ERG: variants seen among roughly 807,000 people sequenced by gnomAD.
The protein encoded by ERG is transcriptional regulator ERG.
A neutral mutation model predicts 55.3 loss-of-function variants in ERG; 9 were observed. The ratio of observed to expected loss-of-function variants is 0.16; its 90% CI spans 0.10 to 0.28. The LOEUF (loss-of-function observed/expected upper bound fraction) is 0.28. Ranked by LOEUF, ERG falls within the 10% of genes least tolerant of loss-of-function variation. ERG has a pLI of 1.00. For synonymous variants in ERG, 223 were observed against 237.3 expected (o/e 0.94, Z 0.55); for missense variants, 434 against 631.6 (o/e 0.69, Z 3.35).
rs1013218874 is a variant in ERG at position 38,381,112 on chromosome 21, T to C, written c.*2291A>G. On this transcript the variant is annotated 3_prime_UTR_variant, in exon 10 of 10. Coordinates refer to ENST00000288319, the MANE Select transcript of ERG (RefSeq NM_182918.4). ...AAATGACACGGGGTGTCAGGAGCAT[T>C]GGTAATCGTGTCCTGCCGACTTCAA... 19 of 1,064,790 alleles carry C rather than the reference T, an allele frequency of 1.8e-5. No individual in the cohort carries two copies. Among genetic ancestry groups the C allele is most frequent in the Non-Finnish European group, 1.9e-5 (17 of 879,080 alleles). 66.0% of individuals were successfully genotyped at this position (1,064,790 alleles called of 1,614,324 possible). A position where few individuals can be genotyped will look rare whatever the true frequency, so the allele number is the denominator to read the frequency against.
At chr21:38,391,271 A>T (rs1987956007) in intron 8 of ERG, among the ~76,000 whole-genome samples, 1 of 152,180 alleles carries the variant, frequency 6.6e-6, no homozygotes, top group Admixed American at 6.5e-5. Flanking sequence ...ATTCAACCCC[A>T]GGATCCTGAC....
At position 38,644,742 on chromosome 21, in the gene ERG, T is replaced by C. The variant is rs568638300; in HGVS notation, c.-150+16916A>G. ...TGCCATACAAAAATCATATTAAAAT[T>C]GAGCCAAGCAGTGAAACAACTCTGA... On this transcript the variant is annotated intron_variant, in intron 1 of 10. Coordinates refer to the ERG transcript ENST00000398910. 3.3e-5 allele frequency among the ~76,000 whole-genome samples: 5 copies of C among 152,310 alleles called. No individual in the cohort carries two copies. The East Asian group carries it at 9.6e-4, about 29-fold the overall frequency.
At chr21:38,370,865 G>A in the ERG span, among the ~76,000 whole-genome samples, 4 of 151,694 alleles carry the variant, frequency 2.6e-5, no homozygotes, top group South Asian at 8.3e-4. Context: ...CACAACACAT[G>A]TGCTGTGCTT....
chr21:38,551,224 G>A (rs1437396232), intron 2 of ERG, among the ~76,000 whole-genome samples: 1 of 150,950 alleles, frequency 6.6e-6, no homozygotes, highest in Non-Finnish European at 1.5e-5. Flanking sequence ...ATGCTTATTT[G>A]GATCTTCTCT....
chr21:38,399,511 C>T (rs1289279613), intron 6 of ERG, among the ~76,000 whole-genome samples: 1 of 152,220 alleles, frequency 6.6e-6, no homozygotes, highest in African/African-American at 2.4e-5. Flanking sequence ...ACCATCCCAC[C>T]ACCCTGAACA....
chr21:38,469,705 C>T (rs2059123383), intron 1 of ERG, among the ~76,000 whole-genome samples: 1 of 152,100 alleles, frequency 6.6e-6, no homozygotes, highest in Admixed American at 6.5e-5. Flanking sequence ...AGCTCTTAAA[C>T]AAGTCTTGCT....
At chr21:38,458,149 G>A (rs2059007200) in intron 1 of ERG, among the ~76,000 whole-genome samples, 1 of 152,212 alleles carries the variant, frequency 6.6e-6, no homozygotes, top group Admixed American at 6.5e-5. Flanking sequence ...ACACTGGCCA[G>A]GCATGGTGGC....
chr21:38,549,736 GT>G (rs112621424), intron 2 of ERG, among the ~76,000 whole-genome samples: 2 of 151,872 alleles, frequency 1.3e-5, no homozygotes, highest in East Asian at 3.9e-4. Flanking sequence ...AGGACACAGT[GT>G]TTTTTTTAAC....
At chr21:38,570,562 T>G (rs991846890) in intron 2 of ERG, among the ~76,000 whole-genome samples, 1 of 152,204 alleles carries the variant, frequency 6.6e-6, no homozygotes, top group African/African-American at 2.4e-5. Context: ...CTCACAATTG[T>G]TTAGTACTCA....
chr21:38,387,961 G>T (rs894029537), intron 9 of ERG, among the ~76,000 whole-genome samples: 2 of 152,196 alleles, frequency 1.3e-5, no homozygotes, highest in Non-Finnish European at 2.9e-5. Flanking sequence ...CTTAATCACT[G>T]CGCAAACTTG....
chr21:38,642,552 G>T (rs2060431919), intron 1 of ERG, among the ~76,000 whole-genome samples: 1 of 152,138 alleles, frequency 6.6e-6, no homozygotes, highest in Non-Finnish European at 1.5e-5. Context: ...CCAGCGTGAA[G>T]AACAACTTTT....
At chr21:38,597,845 T>A (rs1173964788) in intron 1 of ERG, among the ~76,000 whole-genome samples, 4 of 152,188 alleles carry the variant, frequency 2.6e-5, no homozygotes, top group Non-Finnish European at 5.9e-5. Flanking sequence ...AATTATAAAA[T>A]CATATAATTT....
At chr21:38,377,802 A>G (rs1473704493), downstream of ERG, among the ~76,000 whole-genome samples, 1 of 152,168 alleles carries the variant, frequency 6.6e-6, no homozygotes, top group Non-Finnish European at 1.5e-5. Flanking sequence ...AGGGCCCCTG[A>G]GGCAGACTGA....
intron 3 of ERG, among the ~76,000 whole-genome samples, chr21:38,408,713 G>GCTT (rs542026781): frequency 2.2e-3 from 340 of 152,242 alleles, no homozygotes; most frequent in Non-Finnish European, 3.7e-3. Flanking sequence ...AAGCTTTATG[G>GCTT]CTTCTGTCAC....
chr21:38,644,749 A>C (rs1568969834), intron 1 of ERG, among the ~76,000 whole-genome samples: 1 of 152,324 alleles, frequency 6.6e-6, no homozygotes, highest in East Asian at 1.9e-4. Flanking sequence ...AATTGAGCCA[A>C]GCAGTGAAAC....
At chr21:38,461,938 G>A (rs1303444080) in intron 1 of ERG, among the ~76,000 whole-genome samples, 1 of 152,000 alleles carries the variant, frequency 6.6e-6, no homozygotes, top group Non-Finnish European at 1.5e-5. Flanking sequence ...CTGAATAGCT[G>A]GGATTACAGG....
chr21:38,588,615 T>A (rs1157223917), upstream of ERG, among the ~76,000 whole-genome samples: 1 of 152,144 alleles, frequency 6.6e-6, no homozygotes, highest in African/African-American at 2.4e-5. Flanking sequence ...AGTTTGCTCA[T>A]CTGAAAACTG....
At chr21:38,582,219 T>C (rs1333277987) in intron 1 of ERG, among the ~76,000 whole-genome samples, 7 of 152,128 alleles carry the variant, frequency 4.6e-5, no homozygotes, top group Non-Finnish European at 1.0e-4. Flanking sequence ...AAAGGGGGGT[T>C]GTGGGAACCC....
intron 1 of ERG, among the ~76,000 whole-genome samples, chr21:38,468,928 T>A (rs2059114061): frequency 7.4e-6 from 1 of 134,914 alleles, no homozygotes; most frequent in African/African-American, 3.0e-5. Context: ...GAGCTTGCAG[T>A]GAACCAAGAT....
Sources: allele counts gnomAD v4.1 joint callset (sites outside exome capture counted in the v4.1 genomes callset), GRCh38; gene constraint gnomAD v4.1.1; transcripts MANE v1.5; gene names NCBI Gene and HGNC (gene_info 2026-07-23, HGNC 2026-07-21).